The following DUSP4 variants were observed in gnomAD, a reference collection of about 807,000 sequenced individuals.
DUSP4 encodes dual specificity phosphatase 4.
In DUSP4, 12 loss-of-function variants were observed where a neutral mutation model predicts 27.2. The observed-to-expected ratio is 0.44, with a 90% CI of 0.28 to 0.71. DUSP4 has a LOEUF of 0.71. DUSP4 is among the 30% of genes least tolerant of loss of function. DUSP4 has a pLI of 0.14. For synonymous variants in DUSP4, 257 were observed against 245.2 expected (o/e 1.05, Z -0.45); for missense variants, 448 against 551.3 (o/e 0.81, Z 1.88).
Position 29,337,457 on chromosome 8 carries a change from A to C in DUSP4, c.800-46T>G, listed in dbSNP as rs1329192563. The C allele has an allele frequency of 3.3e-6, 5 of 1,534,318 alleles. No homozygotes were observed. In the East Asian group the frequency reaches 1.1e-4, roughly 35 times the overall value. ...GTTAGTGCACGTTTCTGCAGACCCC[A>C]GCCCCGACCAGGGGCACCGGCCAGC... On this transcript the variant is annotated intron_variant, in intron 3 of 3. Coordinates refer to ENST00000240100, the MANE Select transcript of DUSP4 (RefSeq NM_001394.7). This position sits in a 1 kb window ranked among gnomAD's most constrained non-coding sequence, Gnocchi z 6.4.
intron 2 of DUSP4, 29 bp downstream of exon 2, chr8:29,340,069 C>T (rs779134178): frequency 1.3e-6 from 2 of 1,550,208 alleles, no homozygotes; most frequent in South Asian, 1.2e-5. Flanking sequence ...TCCTGCCCCC[C>T]ACTTCCAAGC....
Position 29,350,488 on chromosome 8 carries a change from C to A in DUSP4, c.-210G>T. The stretch of plus-strand genomic sequence containing the variant: ...GGTCACATAGCAGTCGGAGCGGCCT[C>A]GGGCGCCCAGCCGGGCGGCGCGCAG... On this transcript the variant is annotated 5_prime_UTR_variant, in exon 1 of 4. Transcript: ENST00000240100. The A allele has an allele frequency of 1.7e-6, 1 of 602,878 alleles. No individual in the cohort carries two copies. Among genetic ancestry groups the A allele is most frequent in the Non-Finnish European group, 2.7e-6 (1 of 370,172 alleles). The allele number at this position is 602,878 out of a possible 1,614,324, so 37.3% of individuals were successfully genotyped here.
rs556551396 is a variant in DUSP4, at chr8:29,350,358, C to G, written c.-80G>C. On this transcript the variant is annotated 5_prime_UTR_variant, in exon 1 of 4. Transcript: ENST00000240100. Reference sequence around the variant, plus strand: ...CGCCTAGGCTGCAGAAAGGGGCGGGCGAGAGCTAAGAAGGGACGCCTGCAG... The same window carrying G: ...CGCCTAGGCTGCAGAAAGGGGCGGGGGAGAGCTAAGAAGGGACGCCTGCAG... 5.5e-6 allele frequency: 8 copies of G among 1,467,210 alleles called. No individual in the cohort carries two copies. The East Asian group carries it at 1.7e-4, about 30-fold the overall frequency. 90.9% of individuals were successfully genotyped at this position (1,467,210 alleles called of 1,614,324 possible).
At position 29,337,549 on chromosome 8, in the gene DUSP4, AC is replaced by A; in HGVS notation, c.800-139del. On this transcript the variant is annotated intron_variant, in intron 3 of 3. Coordinates refer to ENST00000240100, the MANE Select transcript of DUSP4 (RefSeq NM_001394.7). The surrounding 1 kb of genome is among the most constrained non-coding windows in gnomAD (Gnocchi z 6.4). ...AGACCAAGGACTGGAGAGGAAGAAA[AC>A]CCATGTAGGCAGGTCTCTAGAATGC... is the stretch of plus-strand genomic sequence containing the variant. The A allele has an allele frequency of 8.1e-7, 1 of 1,230,636 alleles. No homozygotes were observed. Among genetic ancestry groups the A allele is most frequent in the Non-Finnish European group, 1.1e-6 (1 of 907,326 alleles). The allele number at this position is 1,230,636 out of a possible 1,614,324, so 76.2% of individuals were successfully genotyped here. A position where few individuals can be genotyped will look rare whatever the true frequency, so the allele number is the denominator to read the frequency against.
chr8:29,349,767 T>C (rs1036589998), intron 1 of DUSP4, 79 bp downstream of exon 1: 3 of 1,408,256 alleles, frequency 2.1e-6, no homozygotes, highest in African/African-American at 1.5e-5. Context: ...GGGGACTCCT[T>C]CCCGTGCCAA....
chr8:29,348,926 A>G (rs1817781078), intron 1 of DUSP4: 1 of 327,252 alleles, frequency 3.1e-6, no homozygotes. Flanking sequence ...CCCGCTCCCT[A>G]GCCCGAGGGC....
rs1297168132 is a variant in DUSP4 at position 29,337,050 on chromosome 8, G to A, written c.1161C>T (p.Pro387=). 2 of 1,604,648 alleles carry A rather than the reference G, an allele frequency of 1.2e-6. No individual in the cohort carries two copies. Among genetic ancestry groups the A allele is most frequent in the South Asian group, 2.2e-5 (2 of 89,404 alleles). The change falls in exon 4 of 4, where the codon CCC becomes CCT. Residue 387 remains proline, a synonymous_variant. Coordinates refer to ENST00000240100, the MANE Select transcript of DUSP4 (RefSeq NM_001394.7). This position sits in a 1 kb window ranked among gnomAD's most constrained non-coding sequence, Gnocchi z 6.4. The part of the protein sequence containing the change: ...APSSLPYLHS[P]ITTSPSC ...TCTAACAGCTGGGAGAGGTGGTGAT[G>A]GGGCTGTGCAGGTAGGGCAGGCTGC...
chr8:29,343,570 C>T (rs1295542587), intron 1 of DUSP4, among the ~76,000 whole-genome samples: 2 of 152,194 alleles, frequency 1.3e-5, no homozygotes, highest in African/African-American at 4.8e-5. Context: ...GGGGGCACTG[C>T]CTGCAGGTTT....
At chr8:29,344,721 T>TA (rs950032207) in intron 1 of DUSP4, among the ~76,000 whole-genome samples, 8 of 152,218 alleles carry the variant, frequency 5.3e-5, no homozygotes, top group Non-Finnish European at 1.5e-5. Context: ...GGAGATAATG[T>TA]ATGTAAAAGT....
chr8:29,337,967 T>C lies in DUSP4; in HGVS notation c.799+315A>G, dbSNP rs1817602734. On this transcript the variant is annotated intron_variant, in intron 3 of 3. Transcript: ENST00000240100. This position sits in a 1 kb window ranked among gnomAD's most constrained non-coding sequence, Gnocchi z 6.4. ...CTCTGTCTCAAAATAAATAAATAAA[T>C]AGAAATAAAATAAAAACTATGACTC... Among the ~76,000 whole-genome samples the C allele has an allele frequency of 6.6e-6, 1 of 151,826 alleles. No individual in the cohort carries two copies. The highest frequency in any genetic ancestry group is 1.5e-5 in the Non-Finnish European group (1 of 67,966).
At chr8:29,339,406 A>T (rs889165004) in intron 2 of DUSP4, among the ~76,000 whole-genome samples, 15 of 152,246 alleles carry the variant, frequency 9.9e-5, no homozygotes, top group South Asian at 4.1e-4. Flanking sequence ...TTCGGCTGAT[A>T]CGTGGGAGCA....
At chr8:29,345,224 C>T in intron 1 of DUSP4, 1 of 998,104 alleles carries the variant, frequency 1.0e-6, no homozygotes, top group Non-Finnish European at 1.5e-6. Flanking sequence ...TTGCTCTTGC[C>T]AGAAAAGTCA....
chr8:29,341,238 A>C (rs1012285289), intron 1 of DUSP4, among the ~76,000 whole-genome samples: 2 of 152,250 alleles, frequency 1.3e-5, no homozygotes, highest in African/African-American at 4.8e-5. Flanking sequence ...CCATTCCAAC[A>C]AACCCATTCA....
At chr8:29,349,443 C>T (rs547218503) in intron 1 of DUSP4, among the ~76,000 whole-genome samples, 3 of 152,334 alleles carry the variant, frequency 2.0e-5, no homozygotes, top group Admixed American at 2.0e-4. Context: ...TCTCCCGGTC[C>T]GGCTCAGTGT....
intron 1 of DUSP4, chr8:29,345,588 T>C: frequency 2.0e-6 from 3 of 1,507,924 alleles, no homozygotes; most frequent in South Asian, 1.4e-5. Context: ...GCTCTCTGGT[T>C]TCAGATGTTC....
Position 29,340,159 on chromosome 8 carries a change from G to T in DUSP4, c.518C>A (p.Pro173His). 6.2e-7 allele frequency: 1 copy of T among 1,610,800 alleles called. No homozygotes were observed. Among genetic ancestry groups the T allele is most frequent in the Non-Finnish European group, 8.5e-7 (1 of 1,178,500 alleles). The stretch of plus-strand genomic sequence containing the variant: ...CAGGTCCAAGGGCTCTGTGGCACTG[G>T]GGGGAACCGGGGGTGGGATGGCTGC... ...ALAAIPPPVP[P>H]SATEPLDLGC... is the part of the protein sequence containing the mutation. The change falls in exon 2 of 4, where the codon CCC becomes CAC. Residue 173 changes from proline (P) to histidine (H), a missense_variant. Pro to His is a moderately conservative substitution (Grantham distance 77, BLOSUM62 -2). Transcript: ENST00000240100.
intron 1 of DUSP4, among the ~76,000 whole-genome samples, chr8:29,346,475 T>C (rs908983270): frequency 1.3e-5 from 2 of 152,224 alleles, no homozygotes; most frequent in Non-Finnish European, 2.9e-5. Flanking sequence ...CTTTCTCTAA[T>C]GACCAGGGGA....
chr8:29,343,933 ATAG>A (rs1273897597), intron 1 of DUSP4, among the ~76,000 whole-genome samples: 1 of 152,210 alleles, frequency 6.6e-6, no homozygotes, highest in African/African-American at 2.4e-5. Context: ...TGCAAGTACC[ATAG>A]CCACAGCCCT....
Position 29,335,611 on chromosome 8 carries a change from C to T in DUSP4, c.*1415G>A, listed in dbSNP as rs1257399776. On this transcript the variant is annotated 3_prime_UTR_variant, in exon 4 of 4. Transcript: ENST00000240100. ...CACAAGAAATTGTTGGTATATTTCA[C>T]TTCAGGTAACTGCCCTAAAATTAAA... 6.6e-6 allele frequency: 1 copy of T among 152,198 alleles called. No individual in the cohort carries two copies. Among genetic ancestry groups the T allele is most frequent in the Non-Finnish European group, 1.5e-5 (1 of 68,022 alleles). 9.4% of individuals were successfully genotyped at this position (152,198 alleles called of 1,614,324 possible). A position where few individuals can be genotyped will look rare whatever the true frequency, so the allele number is the denominator to read the frequency against.
Sources: allele counts gnomAD v4.1 joint callset (sites outside exome capture counted in the v4.1 genomes callset), GRCh38; gene constraint gnomAD v4.1.1; non-coding constraint Gnocchi (gnomAD v3.1); transcripts MANE v1.5; gene names NCBI Gene and HGNC (gene_info 2026-07-23, HGNC 2026-07-21).